TRAF2: variants seen among roughly 807,000 people sequenced by gnomAD.
TRAF2 encodes TNF receptor associated factor 2, also known as TNF receptor-associated factor 2.
A neutral mutation model predicts 55.6 loss-of-function variants in TRAF2; 6 were observed. The observed-to-expected ratio is 0.11, with a 90% CI of 0.06 to 0.21. The LOEUF (loss-of-function observed/expected upper bound fraction) is 0.21. Among genes scored for constraint, TRAF2 ranks in the 10% least tolerant of loss-of-function variants. TRAF2 has a pLI of 1.00. For synonymous variants in TRAF2, 329 were observed against 276.3 expected, an observed-to-expected ratio of 1.19 and a Z score of -1.89; for missense variants, 561 against 684.5, an observed-to-expected ratio of 0.82 and a Z score of 2.01.
intron 4 of TRAF2, among the ~76,000 whole-genome samples, chr9:136,905,844 C>T (rs959117230): frequency 2.0e-5 from 3 of 152,164 alleles, no homozygotes; most frequent in Non-Finnish European, 4.4e-5. Flanking sequence ...GTGGCTCACA[C>T]CTGTAATCCC....
intron 5 of TRAF2, 48 bp from the exon 6 acceptor site, chr9:136,909,872 G>T (rs142610265): frequency 6.2e-6 from 10 of 1,601,768 alleles, no homozygotes; most frequent in South Asian, 1.1e-5. Flanking sequence ...CTCCACCCGC[G>T]CCTGGCATTG....
rs144192349 is a variant in TRAF2, at chr9:136,916,190, G to A, written c.604-351G>A. ...ACCACGCACCGGGTGAGCAGTGGGC[G>A]TTTGATTCTGGGTTTTGAACCCAGG... is the stretch of plus-strand genomic sequence containing the variant. On this transcript the variant is annotated intron_variant, in intron 6 of 10. Transcript: ENST00000247668. Among the ~76,000 whole-genome samples the A allele has an allele frequency of 2.8e-3, 426 of 152,248 alleles. 2 individuals are homozygous for A. The Middle Eastern group carries it at 0.031, about 11-fold the overall frequency.
chr9:136,923,630 A>C (rs1347593402), intron 9 of TRAF2, among the ~76,000 whole-genome samples: 4 of 151,372 alleles, frequency 2.6e-5, no homozygotes, highest in African/African-American at 4.9e-5. Context: ...AAAAAAAAAA[A>C]AAAAACTTTT....
At chr9:136,893,788 T>C (rs984791564) in intron 1 of TRAF2, among the ~76,000 whole-genome samples, 11 of 152,082 alleles carry the variant, frequency 7.2e-5, no homozygotes, top group Admixed American at 2.0e-4. Flanking sequence ...CTCACTGCAA[T>C]GCGCAGGCTG....
upstream of TRAF2, chr9:136,886,265 C>A: frequency 2.5e-6 from 1 of 399,488 alleles, no homozygotes; most frequent in Non-Finnish European, 3.4e-6. Context: ...GAGGAAAAAG[C>A]AGAGGGCGAC....
intron 1 of TRAF2, among the ~76,000 whole-genome samples, chr9:136,895,878 T>G (rs1042143226): frequency 2.0e-5 from 3 of 149,322 alleles, no homozygotes; most frequent in Admixed American, 1.3e-4. Context: ...AAAGGAATGG[T>G]TCTGAGAAGT....
At chr9:136,900,770 G>C in intron 4 of TRAF2, 1 of 466,516 alleles carries the variant, frequency 2.1e-6, no homozygotes, top group Non-Finnish European at 4.1e-6. Context: ...TACCCTCTCT[G>C]TGCCTCAGGT....
intron 6 of TRAF2, among the ~76,000 whole-genome samples, chr9:136,912,224 G>T (rs1427910502): frequency 1.5e-5 from 2 of 133,928 alleles, no homozygotes; most frequent in African/African-American, 5.6e-5. Context: ...GTGCAGTGGC[G>T]CAATCTCGGC....
At chr9:136,893,762 T>G (rs1849626765) in intron 1 of TRAF2, among the ~76,000 whole-genome samples, 1 of 152,198 alleles carries the variant, frequency 6.6e-6, no homozygotes, top group Non-Finnish European at 1.5e-5. Context: ...TTTTACTTTT[T>G]TTTTCGAGAC....
intron 10 of TRAF2, 35 bp downstream of exon 10, chr9:136,924,035 A>AC: frequency 6.2e-7 from 1 of 1,606,940 alleles, no homozygotes; most frequent in Non-Finnish European, 8.5e-7. Context: ...CTAGGGCCGC[A>AC]CCTGGGAGTC....
At chr9:136,914,699 T>TG (rs1398720780) in intron 6 of TRAF2, among the ~76,000 whole-genome samples, 2 of 152,238 alleles carry the variant, frequency 1.3e-5, no homozygotes, top group African/African-American at 4.8e-5. Context: ...TCAGTAGCAC[T>TG]GAGTCTGATC....
At chr9:136,883,871 G>T (rs1222292130), upstream of TRAF2, among the ~76,000 whole-genome samples, 1 of 150,194 alleles carries the variant, frequency 6.7e-6, no homozygotes, top group Non-Finnish European at 1.5e-5. Context: ...CGCCAGGCTG[G>T]AGTGTAGTGG....
upstream of TRAF2, chr9:136,882,657 T>C: frequency 7.1e-6 from 7 of 985,750 alleles, no homozygotes; most frequent in Non-Finnish European, 8.4e-6. Context: ...TTTTGCTTTC[T>C]TTTCGGCAGG....
upstream of TRAF2, chr9:136,882,639 T>G (rs1253922350): frequency 4.1e-6 from 4 of 985,526 alleles, no homozygotes; most frequent in Non-Finnish European, 4.8e-6. Flanking sequence ...GAGGCCTGGG[T>G]GGCTGACTTT....
At chr9:136,915,625 C>T (rs1029879618) in intron 6 of TRAF2, among the ~76,000 whole-genome samples, 4 of 151,878 alleles carry the variant, frequency 2.6e-5, no homozygotes, top group African/African-American at 9.7e-5. Context: ...ATCAGGGACT[C>T]GAGCATCCTT....
At position 136,898,884 on chromosome 9, in the gene TRAF2, G is replaced by A; in HGVS notation, c.144G>A (p.Gln48=). 6.2e-7 allele frequency: 1 copy of A among 1,612,840 alleles called. No individual in the cohort carries two copies. The highest frequency in any genetic ancestry group is 8.5e-7 in the Non-Finnish European group (1 of 1,179,776). The change falls in exon 2 of 11, where the codon CAG becomes CAA. Residue 48 remains glutamine (Q), a synonymous_variant. Coordinates refer to ENST00000247668, the MANE Select transcript of TRAF2 (RefSeq NM_021138.4). ...TCCTCCGCAGGCCCTTCCAGGCGCA[G>A]TGTGGCCACCGGTACTGCTCCTTCT... ...RNVLRRPFQA[Q]CGHRYCSFCL...
At chr9:136,923,764 G>T in intron 9 of TRAF2, 88 bp from the exon 10 acceptor site, 1 of 1,420,336 alleles carries the variant, frequency 7.0e-7, no homozygotes. Context: ...AGGTGTTTTT[G>T]TCCCTGGGGG....
chr9:136,924,583 A>G (rs1342419978), intron 10 of TRAF2, among the ~76,000 whole-genome samples: 2 of 152,020 alleles, frequency 1.3e-5, no homozygotes, highest in African/African-American at 2.4e-5. Context: ...CAAAAGGACA[A>G]AGCACAAAAT....
chr9:136,895,772 C>T (rs906038504), intron 1 of TRAF2, among the ~76,000 whole-genome samples: 4 of 150,074 alleles, frequency 2.7e-5, no homozygotes, highest in African/African-American at 9.8e-5. Context: ...TTGCTTGAAC[C>T]CAGGAGGTGG....
Sources: allele counts gnomAD v4.1 joint callset (sites outside exome capture counted in the v4.1 genomes callset), GRCh38; gene constraint gnomAD v4.1.1; transcripts MANE v1.5; gene names NCBI Gene and HGNC (gene_info 2026-07-23, HGNC 2026-07-21).